Variants in ATF7 observed in about 807,000 individuals in gnomAD.
ATF7 encodes cyclic AMP-dependent transcription factor ATF-7.
A neutral mutation model predicts 50.4 loss-of-function variants in ATF7; 10 were observed. The ratio of observed to expected loss-of-function variants is 0.20; its 90% CI spans 0.12 to 0.34. The LOEUF (loss-of-function observed/expected upper bound fraction) is 0.34, where lower values mean the gene tolerates loss of function less well. Among genes scored for constraint, ATF7 ranks in the 10% least tolerant of loss-of-function variants. ATF7 has a pLI of 1.00. For synonymous variants in ATF7, 201 were observed against 226.4 expected, an observed-to-expected ratio of 0.89 and a Z score of 1.01; for missense variants, 465 against 613.9, an observed-to-expected ratio of 0.76 and a Z score of 2.56.
At chr12:53,537,907 T>TCAG (rs1259659145) in intron 4 of ATF7, among the ~76,000 whole-genome samples, 1 of 152,162 alleles carries the variant, frequency 6.6e-6, no homozygotes. Context: ...AGATGGGGTT[T>TCAG]CTCCATGTTG....
Position 53,524,749 on chromosome 12 carries a change from G to C in ATF7, c.940C>G (p.Gln314Glu), listed in dbSNP as rs953991849. 6.2e-7 allele frequency: 1 copy of C among 1,605,266 alleles called. No individual in the cohort carries two copies. The highest frequency in any genetic ancestry group is 8.5e-7 in the Non-Finnish European group (1 of 1,175,760). Reference protein sequence around the residue: ...SPAQPQVSPAQPTPSTGGRRR... With the variant: ...SPAQPQVSPAEPTPSTGGRRR... Reference sequence around the variant, plus strand: ...CGCCCCCCAGTACTAGGGGTGGGCTGAGCTGGTGAGACCTGGTGCCCAGGA... The same window carrying C: ...CGCCCCCCAGTACTAGGGGTGGGCTCAGCTGGTGAGACCTGGTGCCCAGGA... Residue 314 changes from glutamine to glutamate, a missense_variant, in exon 10 of 12, where the codon CAG (glutamine) becomes GAG (glutamate). Coordinates refer to ENST00000420353, the MANE Select transcript of ATF7 (RefSeq NM_006856.3). The surrounding 1 kb of genome is among the most constrained non-coding windows in gnomAD (Gnocchi z 4.6).
intron 4 of ATF7, among the ~76,000 whole-genome samples, chr12:53,538,609 C>T (rs943059558): frequency 1.3e-5 from 2 of 152,148 alleles, no homozygotes; most frequent in Non-Finnish European, 1.5e-5. Flanking sequence ...GAGATAATGG[C>T]CTTGACACTG....
At chr12:53,543,477 T>G in intron 3 of ATF7, 29 bp from the exon 4 acceptor site, 1 of 1,532,788 alleles carries the variant, frequency 6.5e-7, no homozygotes, top group Non-Finnish European at 8.8e-7. Context: ...AGGAAACTGT[T>G]TTAGTTTTGA....
intron 2 of ATF7, among the ~76,000 whole-genome samples, chr12:53,560,857 C>T (rs1941055732): frequency 6.6e-6 from 1 of 152,042 alleles, no homozygotes; most frequent in Admixed American, 6.6e-5. Flanking sequence ...CCCCTTTTCT[C>T]CAAAGTTTCT....
In ATF7 at chr12:53,515,019, A is replaced by G. The variant is rs1210078669; in HGVS notation, c.*2118T>C. On this transcript the variant is annotated 3_prime_UTR_variant, in exon 12 of 12. Transcript: ENST00000420353. ...GCACAAGTTACGGCTGTGAATTTTT[A>G]AAGGCAAAAGTGAAGTCCCTGGATG... 6.6e-6 allele frequency: 1 copy of G among 152,220 alleles called. No individual in the cohort carries two copies. Among genetic ancestry groups the G allele is most frequent in the Non-Finnish European group, 1.5e-5 (1 of 68,052 alleles). 9.4% of individuals were successfully genotyped at this position (152,220 alleles called of 1,614,324 possible).
intron 2 of ATF7, among the ~76,000 whole-genome samples, chr12:53,569,067 G>A (rs1034608085): frequency 6.6e-6 from 1 of 152,172 alleles, no homozygotes; most frequent in Non-Finnish European, 1.5e-5. Flanking sequence ...CTGAGAAAGA[G>A]AGAGAGAGAA....
chr12:53,616,933 C>T (rs566358718), intron 1 of ATF7, among the ~76,000 whole-genome samples: 59 of 141,508 alleles, frequency 4.2e-4, no homozygotes, highest in African/African-American at 1.5e-3. Flanking sequence ...CAACAGAGAA[C>T]GACTCTGTCT....
At chr12:53,618,571 C>T (rs1944238936) in intron 1 of ATF7, among the ~76,000 whole-genome samples, 1 of 152,106 alleles carries the variant, frequency 6.6e-6, no homozygotes, top group African/African-American at 2.4e-5. Flanking sequence ...TTGCTGCCTG[C>T]CAATGTAAAG....
At chr12:53,561,435 T>C (rs575073732) in intron 2 of ATF7, among the ~76,000 whole-genome samples, 2 of 152,120 alleles carry the variant, frequency 1.3e-5, no homozygotes, top group African/African-American at 4.8e-5. Context: ...AAATAACTGA[T>C]CTTTTTTTTG....
chr12:53,532,052 G>A (rs1376145878), intron 8 of ATF7, among the ~76,000 whole-genome samples, 156 bp from the exon 9 acceptor site: 4 of 152,170 alleles, frequency 2.6e-5, no homozygotes, highest in African/African-American at 9.7e-5. Context: ...GACAGGCAGA[G>A]AAAATGTGCA....
At chr12:53,562,361 C>T (rs776993211) in intron 2 of ATF7, among the ~76,000 whole-genome samples, 6 of 152,146 alleles carry the variant, frequency 3.9e-5, no homozygotes, top group Admixed American at 2.6e-4. Flanking sequence ...CCATGTAGGC[C>T]GGGCACGGTG....
chr12:53,574,813 C>T, intron 2 of ATF7: 1 of 260,770 alleles, frequency 3.8e-6, no homozygotes, highest in Non-Finnish European at 7.3e-6. Context: ...CCTAGCCAGG[C>T]CCAAATGGGA....
At chr12:53,593,833 A>G (rs1943044833) in intron 2 of ATF7, among the ~76,000 whole-genome samples, 1 of 152,178 alleles carries the variant, frequency 6.6e-6, no homozygotes, top group Admixed American at 6.5e-5. Context: ...CCATCTGCTG[A>G]TTACTTATTA....
intron 4 of ATF7, chr12:53,543,105 G>A: frequency 7.1e-7 from 1 of 1,411,526 alleles, no homozygotes; most frequent in Non-Finnish European, 9.2e-7. Flanking sequence ...AAGAACAAGA[G>A]GACTAATTTT....
At chr12:53,585,593 T>C (rs1426340279) in intron 2 of ATF7, among the ~76,000 whole-genome samples, 1 of 152,160 alleles carries the variant, frequency 6.6e-6, no homozygotes, top group Non-Finnish European at 1.5e-5. Flanking sequence ...TAAATGTGAA[T>C]AGCTTCTTGC....
intron 2 of ATF7, among the ~76,000 whole-genome samples, chr12:53,582,326 TAA>T (rs559306732): frequency 8.7e-5 from 9 of 103,928 alleles, no homozygotes; most frequent in Admixed American, 1.0e-4. Context: ...AGACTCTGTC[TAA>T]AAAAAAAAAA....
chr12:53,625,212 G>C (rs1398378959), intron 1 of ATF7, among the ~76,000 whole-genome samples: 1 of 152,212 alleles, frequency 6.6e-6, no homozygotes, highest in Non-Finnish European at 1.5e-5. Context: ...AAGTCCCTAT[G>C]GGGCTCCAAC....
intron 1 of ATF7, among the ~76,000 whole-genome samples, chr12:53,609,760 G>GA (rs1170192170): frequency 6.6e-6 from 1 of 150,446 alleles, no homozygotes; most frequent in Non-Finnish European, 1.5e-5. Flanking sequence ...AGGATATGCT[G>GA]AAAGCATATA....
intron 3 of ATF7, among the ~76,000 whole-genome samples, chr12:53,546,996 T>C (rs1939971680): frequency 6.9e-6 from 1 of 145,654 alleles, no homozygotes; most frequent in South Asian, 2.2e-4. Context: ...TTTTTTTTTT[T>C]TTCCTTGAGA....
Sources: allele counts gnomAD v4.1 joint callset (sites outside exome capture counted in the v4.1 genomes callset), GRCh38; gene constraint gnomAD v4.1.1; non-coding constraint Gnocchi (gnomAD v3.1); transcripts MANE v1.5; gene names NCBI Gene and HGNC (gene_info 2026-07-23, HGNC 2026-07-21).